Variants in CLEC5A observed in about 807,000 individuals in gnomAD.
CLEC5A encodes the protein C-type lectin domain family 5 member A.
CLEC5A carries 15 observed loss-of-function variants against 24.4 expected under a neutral mutation model. The observed-to-expected ratio is 0.62, with a 90% CI of 0.41 to 0.95. CLEC5A has a LOEUF of 0.95. Ranked by LOEUF, CLEC5A falls within the 40% of genes least tolerant of loss-of-function variation. The pLI, the probability that CLEC5A is intolerant of heterozygous loss-of-function variation, is 0.00. For synonymous variants in CLEC5A, 71 were observed against 72.6 expected, an observed-to-expected ratio of 0.98 and a Z score of 0.11; for missense variants, 211 against 224.0, an observed-to-expected ratio of 0.94 and a Z score of 0.37.
intron 5 of CLEC5A, 146 bp downstream of exon 5, chr7:141,935,667 TC>T: frequency 2.8e-6 from 2 of 702,870 alleles, no homozygotes; most frequent in South Asian, 3.7e-5. Context: ...TAACCTCCAG[TC>T]CAGAACAAAT....
At chr7:141,944,583 A>G (rs1802896106) in intron 3 of CLEC5A, among the ~76,000 whole-genome samples, 1 of 152,154 alleles carries the variant, frequency 6.6e-6, no homozygotes, top group Admixed American at 6.6e-5. Flanking sequence ...CTAGAAATCC[A>G]TATAGGGGCC....
At chr7:141,944,009 A>G (rs781961535) in intron 3 of CLEC5A, 45 bp from the exon 4 acceptor site, 4 of 1,145,242 alleles carry the variant, frequency 3.5e-6, no homozygotes, top group Non-Finnish European at 5.3e-6. Context: ...GATGAATACA[A>G]CACAGAAACA....
chr7:141,937,809 G>C (rs555973878), intron 4 of CLEC5A, among the ~76,000 whole-genome samples: 45 of 152,328 alleles, frequency 3.0e-4, no homozygotes, highest in African/African-American at 1.0e-3. Context: ...CCACTCCCAG[G>C]TCTGGGAAGG....
intron 5 of CLEC5A, 67 bp from the exon 6 acceptor site, chr7:141,931,893 A>G: frequency 1.4e-6 from 1 of 718,744 alleles, no homozygotes; most frequent in South Asian, 1.7e-5. Context: ...CAATGTGCCC[A>G]TGATTATATC....
chr7:141,946,315 G>GT lies in CLEC5A; in HGVS notation c.-20-4dup. The stretch of plus-strand genomic sequence containing the variant: ...CATGATGAAGGAGCTGCAGGGGCCT[G>GT]TGAAGATTAGAGCACAGCAGCATCA... On this transcript the variant is annotated splice_polypyrimidine_tract_variant and splice_region_variant and intron_variant, in intron 1 of 6. Coordinates refer to ENST00000546910, the MANE Select transcript of CLEC5A (RefSeq NM_013252.3). 6.4e-7 allele frequency: 1 copy of GT among 1,556,254 alleles called. No homozygotes were observed. Among genetic ancestry groups the GT allele is most frequent in the Admixed American group, 2.0e-5 (1 of 51,226 alleles).
chr7:141,944,591 G>A (rs551597006), intron 3 of CLEC5A, among the ~76,000 whole-genome samples: 15 of 152,278 alleles, frequency 9.9e-5, no homozygotes, highest in African/African-American at 3.4e-4. Context: ...CCATATAGGG[G>A]CCTCATTTCC....
chr7:141,945,240 A>C (rs1486482726), intron 3 of CLEC5A, 101 bp downstream of exon 3: 4 of 874,606 alleles, frequency 4.6e-6, no homozygotes, highest in East Asian at 2.4e-5. Flanking sequence ...CCCTTTGTAC[A>C]AAAGAATTTC....
In CLEC5A at chr7:141,939,020, C is replaced by T. The variant is rs112071721; in HGVS notation, c.209-3070G>A. Among the ~76,000 whole-genome samples, 665 of 152,268 alleles carry T rather than the reference C, an allele frequency of 4.4e-3. 6 individuals are homozygous for T. Among genetic ancestry groups the T allele is most frequent in the African/African-American group, 0.015 (639 of 41,564 alleles). The stretch of plus-strand genomic sequence containing the variant: ...TCAGTCCTATAAGAATTGCTAAAAA[C>T]AGCTCTTTAATCTGAAAGTAAAGGA... On this transcript the variant is annotated intron_variant, in intron 4 of 6. Transcript: ENST00000546910.
At position 141,928,950 on chromosome 7, in the gene CLEC5A, G is replaced by C. The variant is rs1281985180; in HGVS notation, c.*1154C>G. 1 of 152,110 alleles carries C rather than the reference G, an allele frequency of 6.6e-6. No individual in the cohort carries two copies. The highest frequency in any genetic ancestry group is 2.4e-5 in the African/African-American group (1 of 41,410). The allele number at this position is 152,110 out of a possible 1,614,324, so 9.4% of individuals were successfully genotyped here. On this transcript the variant is annotated 3_prime_UTR_variant, in exon 7 of 7. Transcript: ENST00000546910. The stretch of plus-strand genomic sequence containing the variant: ...ATATAGCTGATGTCTTGTGAGTGTG[G>C]AGAACAGCCAGGGTACTCCAAGACT...
intron 6 of CLEC5A, among the ~76,000 whole-genome samples, chr7:141,930,571 T>C (rs1802430603): frequency 6.6e-6 from 1 of 152,146 alleles, no homozygotes; most frequent in South Asian, 2.1e-4. Context: ...CTGTTTAGGA[T>C]AGCATGCATG....
intron 2 of CLEC5A, chr7:141,945,860 C>T: frequency 6.4e-6 from 2 of 313,032 alleles, no homozygotes; most frequent in Non-Finnish European, 1.2e-5. Flanking sequence ...TTACCATGGC[C>T]TTGTCATTGG....
rs1424234332 is a variant in CLEC5A, at chr7:141,935,782, G to A, written c.345+32C>T. On this transcript the variant is annotated intron_variant, in intron 5 of 6. Transcript: ENST00000546910. ...CACCCACTGAGGCTGTGTGGAGTGT[G>A]TGGCTTTACTGTACCATTCCAGTGT... 4 of 1,608,762 alleles carry A rather than the reference G, an allele frequency of 2.5e-6. No homozygotes were observed. The African/African-American group carries it at 5.3e-5, about 22-fold the overall frequency.
At position 141,930,057 on chromosome 7, in the gene CLEC5A, G is replaced by A. The variant is rs1258019662; in HGVS notation, c.*47C>T. The A allele has an allele frequency of 6.9e-7, 1 of 1,444,310 alleles. No individual in the cohort carries two copies. The highest frequency in any genetic ancestry group is 9.7e-7 in the Non-Finnish European group (1 of 1,029,368). 89.5% of individuals were successfully genotyped at this position (1,444,310 alleles called of 1,614,324 possible). A position where few individuals can be genotyped will look rare whatever the true frequency, so the allele number is the denominator to read the frequency against. On this transcript the variant is annotated 3_prime_UTR_variant, in exon 7 of 7. Coordinates refer to ENST00000546910, the MANE Select transcript of CLEC5A (RefSeq NM_013252.3). The stretch of plus-strand genomic sequence containing the variant: ...AATCATTGGCCAGACGACCTGTATG[G>A]ATTCAAAAAGAGTTGCAAGTATAGT...
intron 2 of CLEC5A, among the ~76,000 whole-genome samples, chr7:141,945,651 C>T (rs1194951193): frequency 6.6e-6 from 1 of 152,194 alleles, no homozygotes; most frequent in Non-Finnish European, 1.5e-5. Context: ...TCTTAGCTAA[C>T]TACTGCCTCC....
intron 4 of CLEC5A, among the ~76,000 whole-genome samples, chr7:141,940,192 A>G (rs1554441498): frequency 2.0e-5 from 3 of 152,126 alleles, no homozygotes; most frequent in Non-Finnish European, 2.9e-5. Flanking sequence ...TAGGTAACAA[A>G]ACAAGCCTTA....
Position 141,931,745 on chromosome 7 carries a change from T to A in CLEC5A, c.427A>T (p.Ile143Phe), listed in dbSNP as rs782088076. 3 of 1,595,304 alleles carry A rather than the reference T, an allele frequency of 1.9e-6. No homozygotes were observed. The South Asian group carries it at 3.3e-5, about 18-fold the overall frequency. ...TTGCCATTGAACACAGAGTTGTTGA[T>A]CCAACGCCACCTTTTCTCTTCACGA... Reference protein sequence around the residue: ...YHREEKRWRWINNSVFNGNVT... With the variant: ...YHREEKRWRWFNNSVFNGNVT... Residue 143 changes from isoleucine (I) to phenylalanine (F), a missense_variant, in exon 6 of 7, where the codon ATC (isoleucine) becomes TTC (phenylalanine). Transcript: ENST00000546910.
At chr7:141,937,961 A>G (rs1345265607) in intron 4 of CLEC5A, among the ~76,000 whole-genome samples, 1 of 152,236 alleles carries the variant, frequency 6.6e-6, no homozygotes, top group African/African-American at 2.4e-5. Context: ...GACCCACAGC[A>G]TTACTGGGCT....
Position 141,946,205 on chromosome 7 carries a change from A to T in CLEC5A, c.79+9T>A. 1.3e-6 allele frequency: 2 copies of T among 1,558,206 alleles called. No homozygotes were observed. Among genetic ancestry groups the T allele is most frequent in the Non-Finnish European group, 1.7e-6 (2 of 1,149,660 alleles). On this transcript the variant is annotated intron_variant, in intron 2 of 6. Transcript: ENST00000546910. ...GAAGTCTGGGGCAAGAGGTTGCTCA[A>T]ATACTCACAATAAAGTAGAAATAAG...
rs1802343937 is a variant in CLEC5A, at chr7:141,927,892, A to C, written c.*2212T>G. 1 of 152,246 alleles carries C rather than the reference A, an allele frequency of 6.6e-6. No individual in the cohort carries two copies. Among genetic ancestry groups the C allele is most frequent in the African/African-American group, 2.4e-5 (1 of 41,466 alleles). 9.4% of individuals were successfully genotyped at this position (152,246 alleles called of 1,614,324 possible). On this transcript the variant is annotated 3_prime_UTR_variant, in exon 7 of 7. Transcript: ENST00000546910. ...TGTCTAATGCCATTGAGATACATAG[A>C]GGAATGTTATTTAATATGTGCAATA...
Sources: allele counts gnomAD v4.1 joint callset (sites outside exome capture counted in the v4.1 genomes callset), GRCh38; gene constraint gnomAD v4.1.1; transcripts MANE v1.5; gene names NCBI Gene and HGNC (gene_info 2026-07-23, HGNC 2026-07-21).